Variants in ZNF732 observed in about 807,000 individuals in gnomAD.
The protein encoded by ZNF732 is zinc finger protein LOC654254.
ZNF732 carries 12 observed loss-of-function variants against 11.5 expected under a neutral mutation model. The ratio of observed to expected loss-of-function variants is 1.05; its 90% CI spans 0.67 to 1.70. The LOEUF (loss-of-function observed/expected upper bound fraction) is 1.70, where lower values mean the gene tolerates loss of function less well. Ranked by LOEUF, ZNF732 falls within the 40% of genes most tolerant of loss-of-function variation. The pLI, the probability that ZNF732 is intolerant of heterozygous loss-of-function variation, is 0.00. For synonymous variants in ZNF732, 231 were observed against 236.5 expected, an observed-to-expected ratio of 0.98 and a Z score of 0.21; for missense variants, 702 against 676.9, an observed-to-expected ratio of 1.04 and a Z score of -0.41.
At chr4:282,179 G>A (rs770206265) in intron 3 of ZNF732, among the ~76,000 whole-genome samples, 1 of 152,058 alleles carries the variant, frequency 6.6e-6, no homozygotes, top group East Asian at 1.9e-4. Flanking sequence ...AAAGCATATA[G>A]CTTCAATAAT....
chr4:300,759 G>A (rs369547163), intron 1 of ZNF732, among the ~76,000 whole-genome samples: 7 of 152,218 alleles, frequency 4.6e-5, no homozygotes, highest in East Asian at 1.9e-4. Flanking sequence ...GAAGTTCTCA[G>A]GTTTACCCTA....
At chr4:287,300 C>T (rs536353204) in intron 3 of ZNF732, among the ~76,000 whole-genome samples, 12 of 151,724 alleles carry the variant, frequency 7.9e-5, no homozygotes, top group Admixed American at 5.9e-4. Flanking sequence ...CTGCAGCCTC[C>T]GCCCCTCGGG....
At chr4:282,066 C>G (rs1217054736) in intron 3 of ZNF732, among the ~76,000 whole-genome samples, 2 of 152,048 alleles carry the variant, frequency 1.3e-5, no homozygotes, top group Non-Finnish European at 2.9e-5. Context: ...AAATATTTAA[C>G]AGAAAGCTTT....
In ZNF732 at chr4:305,429, G is replaced by C. The variant is rs1553844327; in HGVS notation, c.-119C>G. ...ACCGACGCCTCCCTGAGGGGTGAAAGCACGGCCGTGGAGACCCTAACCGAG... is the reference window on the plus strand; with the variant it reads ...ACCGACGCCTCCCTGAGGGGTGAAACCACGGCCGTGGAGACCCTAACCGAG... On this transcript the variant is annotated 5_prime_UTR_variant, in exon 1 of 4. Transcript: ENST00000419098. 8.9e-6 allele frequency: 13 copies of C among 1,452,618 alleles called. No individual in the cohort carries two copies. In the Admixed American group the frequency reaches 2.4e-4, roughly 27 times the overall value. The allele number at this position is 1,452,618 out of a possible 1,614,324, so 90.0% of individuals were successfully genotyped here.
intron 3 of ZNF732, among the ~76,000 whole-genome samples, chr4:280,670 G>A (rs1719603014): frequency 6.6e-6 from 1 of 152,202 alleles, no homozygotes; most frequent in South Asian, 2.1e-4. Flanking sequence ...CCAAGACTGA[G>A]GAGGGCTGTA....
intron 1 of ZNF732, among the ~76,000 whole-genome samples, chr4:301,031 AC>A (rs1720105093): frequency 6.6e-6 from 1 of 152,226 alleles, no homozygotes; most frequent in Non-Finnish European, 1.5e-5. Flanking sequence ...CAAGAAAAAA[AC>A]AACCCCATCA....
intron 3 of ZNF732, among the ~76,000 whole-genome samples, chr4:293,582 T>C (rs1719889305): frequency 6.6e-6 from 1 of 151,962 alleles, no homozygotes; most frequent in Non-Finnish European, 1.5e-5. Flanking sequence ...AGTTATAAAT[T>C]GAGTAAGTCT....
At position 271,422 on chromosome 4, in the gene ZNF732, ACT is replaced by A. The variant is rs1719356377; in HGVS notation, c.1433_1434del (p.Glu478ValfsTer13). Reference protein sequence around the residue: ...HTGEKPYRCEECGKAFLCSRA... With the variant: ...HTGEKPYRCEXCGKAFLCSRA... ...CTGGAACATAAAAAGGCTTTGCCACACTCTTCACATCTATAAGGTTTCTCTCC... is the reference window on the plus strand; with the variant it reads ...CTGGAACATAAAAAGGCTTTGCCACACTTCACATCTATAAGGTTTCTCTCC... On this transcript the variant is annotated frameshift_variant, in exon 4 of 4. Transcript: ENST00000419098. LOFTEE classifies it low-confidence loss of function (END_TRUNC). 2 of 1,602,508 alleles carry A rather than the reference ACT, an allele frequency of 1.2e-6. No individual in the cohort carries two copies. The highest frequency in any genetic ancestry group is 8.5e-7 in the Non-Finnish European group (1 of 1,174,304).
chr4:299,883 A>G (rs1553843358), intron 1 of ZNF732, among the ~76,000 whole-genome samples: 1 of 128,282 alleles, frequency 7.8e-6, no homozygotes, highest in East Asian at 2.3e-4. Context: ...TTTTTTTTTT[A>G]AGTAGAGACG....
chr4:280,764 T>C (rs1368468656), intron 3 of ZNF732, among the ~76,000 whole-genome samples: 2 of 152,320 alleles, frequency 1.3e-5, no homozygotes, highest in Middle Eastern at 3.4e-3. Flanking sequence ...ATTTTCATTG[T>C]AGACTTAGCT....
intron 1 of ZNF732, among the ~76,000 whole-genome samples, chr4:300,051 TAGAA>T (rs1720081824): frequency 2.6e-5 from 4 of 151,672 alleles, no homozygotes; most frequent in Admixed American, 2.0e-4. Flanking sequence ...AGGGAACTGA[TAGAA>T]AGTTGTCAGA....
intron 1 of ZNF732, among the ~76,000 whole-genome samples, chr4:303,996 G>A (rs991795800): frequency 6.6e-6 from 1 of 152,198 alleles, no homozygotes; most frequent in Non-Finnish European, 1.5e-5. Flanking sequence ...AAAGGCAGAG[G>A]AGATTAGGAT....
chr4:283,765 T>G (rs1198578338), intron 3 of ZNF732, among the ~76,000 whole-genome samples: 1 of 152,148 alleles, frequency 6.6e-6, no homozygotes, highest in Non-Finnish European at 1.5e-5. Flanking sequence ...GACATATATA[T>G]AGAACATTTC....
intron 1 of ZNF732, among the ~76,000 whole-genome samples, chr4:301,659 G>A (rs1266013097): frequency 1.3e-5 from 2 of 152,156 alleles, no homozygotes; most frequent in Non-Finnish European, 2.9e-5. Context: ...ATAGGTGGGA[G>A]TTGAACAATG....
At position 295,709 on chromosome 4, in the gene ZNF732, C is replaced by T. The variant is rs528951666; in HGVS notation, c.131-176G>A. 2.0e-5 allele frequency among the ~76,000 whole-genome samples: 3 copies of T among 152,152 alleles called. No homozygotes were observed. The South Asian group carries it at 6.2e-4, about 32-fold the overall frequency. Reference sequence around the variant, plus strand: ...TTTTAAATCTGTGGGTTCTAAGTTCCACTACCAAGTACTACTGAATCAAAA... The same window carrying T: ...TTTTAAATCTGTGGGTTCTAAGTTCTACTACCAAGTACTACTGAATCAAAA... On this transcript the variant is annotated intron_variant, in intron 2 of 3. Coordinates refer to ENST00000419098, the MANE Select transcript of ZNF732 (RefSeq NM_001137608.3).
intron 3 of ZNF732, among the ~76,000 whole-genome samples, chr4:278,922 A>G (rs1304287075): frequency 2.6e-5 from 4 of 152,164 alleles, no homozygotes; most frequent in Admixed American, 2.0e-4. Flanking sequence ...AAATGTAAAT[A>G]TATATATCTC....
chr4:292,081 A>G (rs1719851007), intron 3 of ZNF732, among the ~76,000 whole-genome samples: 1 of 152,200 alleles, frequency 6.6e-6, no homozygotes, highest in Non-Finnish European at 1.5e-5. Flanking sequence ...GAAACACTTC[A>G]ATATAAGATA....
chr4:303,445 CCT>C (rs566170315), intron 1 of ZNF732, among the ~76,000 whole-genome samples: 160 of 152,178 alleles, frequency 1.1e-3, no homozygotes, highest in African/African-American at 3.6e-3. Context: ...GGTGAAACTC[CCT>C]CTCTACTAAA....
Position 272,587 on chromosome 4 carries a change from C to T in ZNF732, c.270G>A (p.Gly90=). Residue 90 remains glycine (G), a synonymous_variant, in exon 4 of 4, where the codon GGG becomes GGA. Coordinates refer to ENST00000419098, the MANE Select transcript of ZNF732 (RefSeq NM_001137608.3). The part of the protein sequence containing the change: ...HFTQDFLPVQ[G]IEDSFHKLIL... ...TAAGTTTGTGGAACGAATCTTCTAT[C>T]CCCTGCACTGGCAAAAAGTCTTGGG... 6.4e-7 allele frequency: 1 copy of T among 1,557,750 alleles called. No individual in the cohort carries two copies. Among genetic ancestry groups the T allele is most frequent in the Non-Finnish European group, 8.6e-7 (1 of 1,156,924 alleles).
Sources: allele counts gnomAD v4.1 joint callset (sites outside exome capture counted in the v4.1 genomes callset), GRCh38; gene constraint gnomAD v4.1.1; transcripts MANE v1.5; gene names NCBI Gene and HGNC (gene_info 2026-07-23, HGNC 2026-07-21).